The following CFAP20DC variants were observed in gnomAD, a reference collection of about 807,000 sequenced individuals.
CFAP20DC encodes protein CFAP20DC.
CFAP20DC carries 84 observed loss-of-function variants against 101.7 expected under a neutral mutation model. That is an observed-to-expected ratio of 0.83 (90% CI 0.69 to 0.99). The LOEUF (loss-of-function observed/expected upper bound fraction) is 0.99, where lower values mean the gene tolerates loss of function less well. Among genes scored for constraint, CFAP20DC ranks in the 50% least tolerant of loss-of-function variants. The pLI is 0.00. For synonymous variants in CFAP20DC, 359 were observed against 351.2 expected (o/e 1.02, Z -0.25); for missense variants, 1,007 against 970.3 (o/e 1.04, Z -0.50).
chr3:58,842,634 A>G (rs147926887), intron 13 of CFAP20DC, among the ~76,000 whole-genome samples: 18,017 of 152,248 alleles, frequency 0.12, 1,887 homozygotes, highest in East Asian at 0.35. Context: ...CAAAGCAGCC[A>G]GGAAGCTCTA....
intron 14 of CFAP20DC, among the ~76,000 whole-genome samples, chr3:58,809,992 G>T (rs1260893992): frequency 2.0e-5 from 3 of 152,052 alleles, no homozygotes; most frequent in Non-Finnish European, 4.4e-5. Flanking sequence ...ACCATCCCAC[G>T]ACTAAACCAG....
At chr3:59,024,037 A>C (rs1430401017) in intron 4 of CFAP20DC, among the ~76,000 whole-genome samples, 1 of 152,144 alleles carries the variant, frequency 6.6e-6, no homozygotes, top group East Asian at 1.9e-4. Flanking sequence ...GGATTGGATG[A>C]TTTTTAATTA....
At chr3:58,865,205 T>G (rs576428081) in intron 11 of CFAP20DC, among the ~76,000 whole-genome samples, 2 of 152,108 alleles carry the variant, frequency 1.3e-5, no homozygotes, top group Admixed American at 6.5e-5. Flanking sequence ...ATTATATTTA[T>G]GATCACAATA....
chr3:58,850,586 C>G (rs555825646), intron 12 of CFAP20DC, among the ~76,000 whole-genome samples: 198 of 136,562 alleles, frequency 1.4e-3, no homozygotes, highest in African/African-American at 5.1e-3. Flanking sequence ...AAAACTCCAT[C>G]TCAAAAAAAA....
chr3:58,836,891 G>A (rs1330836034), intron 13 of CFAP20DC, among the ~76,000 whole-genome samples: 1 of 152,068 alleles, frequency 6.6e-6, no homozygotes, highest in Non-Finnish European at 1.5e-5. Flanking sequence ...TGGCATTTCA[G>A]AAAAGAGAAA....
At chr3:58,927,342 G>A (rs1296285943) in intron 5 of CFAP20DC, among the ~76,000 whole-genome samples, 1 of 152,102 alleles carries the variant, frequency 6.6e-6, no homozygotes, top group Non-Finnish European at 1.5e-5. Flanking sequence ...GGACCATTCG[G>A]CAATTATCCT....
intron 15 of CFAP20DC, among the ~76,000 whole-genome samples, chr3:58,766,502 C>G (rs1266033132): frequency 6.6e-6 from 1 of 152,206 alleles, no homozygotes; most frequent in Non-Finnish European, 1.5e-5. Flanking sequence ...CTCATATTCA[C>G]TCATCCTGGC....
At chr3:58,726,226 G>C (rs1158337237) in intron 3 of CFAP20DC, 1 of 152,220 alleles carries the variant, frequency 6.6e-6, no homozygotes, top group Non-Finnish European at 1.5e-5. Context: ...GAACTATATA[G>C]GGTAAATCAT....
At chr3:58,969,189 T>C (rs1397356735) in intron 4 of CFAP20DC, among the ~76,000 whole-genome samples, 3 of 152,052 alleles carry the variant, frequency 2.0e-5, no homozygotes, top group Non-Finnish European at 4.4e-5. Context: ...ATAATTTAAA[T>C]AGAAATTTCT....
At chr3:58,747,013 A>G (rs2068250649) in intron 16 of CFAP20DC, among the ~76,000 whole-genome samples, 1 of 152,160 alleles carries the variant, frequency 6.6e-6, no homozygotes, top group Admixed American at 6.6e-5. Flanking sequence ...ATATTCTTGG[A>G]TAGAGCTGAG....
At chr3:58,853,319 C>G (rs1202695854) in intron 12 of CFAP20DC, among the ~76,000 whole-genome samples, 1 of 152,104 alleles carries the variant, frequency 6.6e-6, no homozygotes, top group Non-Finnish European at 1.5e-5. Context: ...CAATAACAGG[C>G]TCTGAAATTG....
At chr3:58,743,860 A>G (rs1342109617) in intron 16 of CFAP20DC, among the ~76,000 whole-genome samples, 5 of 152,020 alleles carry the variant, frequency 3.3e-5, no homozygotes, top group Non-Finnish European at 5.9e-5. Context: ...GGGGTTTAAA[A>G]CTGTACCACA....
At chr3:58,773,236 C>T (rs947333816) in intron 15 of CFAP20DC, among the ~76,000 whole-genome samples, 22 of 151,592 alleles carry the variant, frequency 1.5e-4, no homozygotes, top group African/African-American at 5.3e-4. Context: ...CTAAATTGAT[C>T]CTAGCAGCTT....
In CFAP20DC at chr3:58,913,994, CT is replaced by C; in HGVS notation, c.394-131del. ...CAACAAGCCCCAAACTAATTTTCCT[CT>C]TTAGGTAAACTTATCTCTGTTTTGG... On this transcript the variant is annotated intron_variant, in intron 5 of 16. Coordinates refer to ENST00000482387, the MANE Select transcript of CFAP20DC (RefSeq NM_001394063.1). The surrounding 1 kb of genome is among the most constrained non-coding windows in gnomAD (Gnocchi z 4.4). 1.1e-6 allele frequency: 1 copy of C among 927,700 alleles called. No homozygotes were observed. The highest frequency in any genetic ancestry group is 1.6e-6 in the Non-Finnish European group (1 of 622,876). 57.5% of individuals were successfully genotyped at this position (927,700 alleles called of 1,614,324 possible).
At chr3:58,879,156 T>G (rs1339405290) in intron 7 of CFAP20DC, among the ~76,000 whole-genome samples, 1 of 152,214 alleles carries the variant, frequency 6.6e-6, no homozygotes, top group Non-Finnish European at 1.5e-5. Context: ...AATAATCTAT[T>G]GTATATTTCA....
intron 6 of CFAP20DC, among the ~76,000 whole-genome samples, chr3:58,909,952 T>G (rs1480446501): frequency 6.6e-6 from 1 of 152,166 alleles, no homozygotes; most frequent in Admixed American, 6.6e-5. Context: ...TTTTCATTGC[T>G]CAGCTCCCAC....
intron 6 of CFAP20DC, among the ~76,000 whole-genome samples, chr3:58,905,630 A>G (rs1428130713): frequency 6.6e-6 from 1 of 152,216 alleles, no homozygotes; most frequent in African/African-American, 2.4e-5. Context: ...GGTGAGTTTA[A>G]GAAGTTCTAG....
intron 7 of CFAP20DC, among the ~76,000 whole-genome samples, chr3:58,873,683 C>A: frequency 6.7e-6 from 1 of 149,542 alleles, no homozygotes; most frequent in East Asian, 2.0e-4. Flanking sequence ...ATGCTGGATG[C>A]TGTCAGGCAG....
rs753275757 is a variant in CFAP20DC at position 58,753,751 on chromosome 3, C to T, written c.2332+18G>A. On this transcript the variant is annotated intron_variant, in intron 16 of 16. Coordinates refer to ENST00000482387, the MANE Select transcript of CFAP20DC (RefSeq NM_001394063.1). ...ATTATTTTTATTTTCTTATGCATAT[C>T]GTTTTTCATAGTCCCACCTTGAACA... 3.8e-5 allele frequency: 58 copies of T among 1,520,564 alleles called. No individual in the cohort carries two copies. In the South Asian group the frequency reaches 4.5e-4, roughly 12 times the overall value. 94.2% of individuals were successfully genotyped at this position (1,520,564 alleles called of 1,614,324 possible).
Sources: allele counts gnomAD v4.1 joint callset (sites outside exome capture counted in the v4.1 genomes callset), GRCh38; gene constraint gnomAD v4.1.1; non-coding constraint Gnocchi (gnomAD v3.1); transcripts MANE v1.5; gene names NCBI Gene and HGNC (gene_info 2026-07-23, HGNC 2026-07-21).